NRG3: variants seen among roughly 807,000 people sequenced by gnomAD.
NRG3 encodes pro-neuregulin-3, membrane-bound isoform.
In NRG3, 31 loss-of-function variants were observed where a neutral mutation model predicts 66.9. The ratio of observed to expected loss-of-function variants is 0.46; its 90% CI spans 0.35 to 0.63. NRG3 has a LOEUF of 0.63. Among genes scored for constraint, NRG3 ranks in the 20% least tolerant of loss-of-function variants. The pLI is 0.00. For missense variants in NRG3, 910 were observed against 878.9 expected, an observed-to-expected ratio of 1.04 and a Z score of -0.45; for synonymous variants, 393 against 359.4, an observed-to-expected ratio of 1.09 and a Z score of -1.06.
At chr10:82,560,559 T>G (rs1328087019) in intron 2 of NRG3, among the ~76,000 whole-genome samples, 1 of 151,116 alleles carries the variant, frequency 6.6e-6, no homozygotes, top group Non-Finnish European at 1.5e-5. Flanking sequence ...GGCCATCTTG[T>G]TTTATCTAGA....
At chr10:82,103,079 A>G (rs1365179436) in intron 1 of NRG3, among the ~76,000 whole-genome samples, 3 of 152,046 alleles carry the variant, frequency 2.0e-5, no homozygotes, top group Non-Finnish European at 4.4e-5. Flanking sequence ...TCTTTATTTT[A>G]TCTTCCTTCT....
At chr10:82,389,520 A>G (rs1045590089) in intron 2 of NRG3, among the ~76,000 whole-genome samples, 6 of 152,200 alleles carry the variant, frequency 3.9e-5, no homozygotes, top group African/African-American at 1.4e-4. Flanking sequence ...CAAGTATCCC[A>G]CATATATTTT....
intron 2 of NRG3, among the ~76,000 whole-genome samples, chr10:82,484,059 G>GT (rs1842490967): frequency 6.6e-6 from 1 of 152,106 alleles, no homozygotes; most frequent in Non-Finnish European, 1.5e-5. Context: ...AGACACGCTG[G>GT]TTTTTTCTAT....
At chr10:82,322,616 T>G (rs191088928) in intron 1 of NRG3, among the ~76,000 whole-genome samples, 7 of 152,304 alleles carry the variant, frequency 4.6e-5, no homozygotes, top group Admixed American at 4.6e-4. Flanking sequence ...TTCATTGATT[T>G]GCTTTCCAGC....
chr10:82,611,750 G>A (rs1236707434), intron 2 of NRG3, among the ~76,000 whole-genome samples: 1 of 152,130 alleles, frequency 6.6e-6, no homozygotes, highest in Admixed American at 6.6e-5. Context: ...TGTCTTTATA[G>A]TAGCATGATT....
intron 2 of NRG3, among the ~76,000 whole-genome samples, chr10:82,733,917 G>A (rs2058037281): frequency 6.6e-6 from 1 of 152,222 alleles, no homozygotes; most frequent in Non-Finnish European, 1.5e-5. Context: ...GGAATGCTCT[G>A]AAGTTAGCAG....
chr10:82,686,257 G>A (rs536262766), intron 2 of NRG3, among the ~76,000 whole-genome samples: 11 of 151,382 alleles, frequency 7.3e-5, no homozygotes, highest in Non-Finnish European at 1.3e-4. Flanking sequence ...GCATGATCTT[G>A]GCTCACTGCA....
In NRG3 at chr10:82,440,288, A is replaced by G. The variant is rs2090366809; in HGVS notation, c.953+81420A>G. On this transcript the variant is annotated intron_variant, in intron 2 of 8. Coordinates refer to ENST00000372141, the MANE Select transcript of NRG3 (RefSeq NM_001010848.4). ...TCCTCTGTGTACATACTTACATCTC[A>G]TTTATTATATATAATGTACATTTTT... Among the ~76,000 whole-genome samples, 4 of 150,128 alleles carry G rather than the reference A, an allele frequency of 2.7e-5. No individual in the cohort carries two copies. The South Asian group carries it at 8.3e-4, about 31-fold the overall frequency.
At chr10:82,258,839 A>G (rs2077871756) in intron 1 of NRG3, among the ~76,000 whole-genome samples, 1 of 152,166 alleles carries the variant, frequency 6.6e-6, no homozygotes, top group African/African-American at 2.4e-5. Context: ...TCCAGGATTT[A>G]ATGCTGGGTA....
intron 1 of NRG3, among the ~76,000 whole-genome samples, chr10:81,936,965 A>G (rs1846022848): frequency 6.6e-6 from 1 of 152,202 alleles, no homozygotes; most frequent in Non-Finnish European, 1.5e-5. Context: ...GCAGAACTGA[A>G]CCTCAGTTCC....
chr10:81,979,964 C>T (rs1388210253), intron 1 of NRG3, among the ~76,000 whole-genome samples: 4 of 152,174 alleles, frequency 2.6e-5, no homozygotes, highest in African/African-American at 9.7e-5. Flanking sequence ...CACAGGTAAA[C>T]ATAGGCCAAA....
At chr10:82,612,506 T>C (rs2048377049) in intron 2 of NRG3, among the ~76,000 whole-genome samples, 1 of 152,194 alleles carries the variant, frequency 6.6e-6, no homozygotes. Context: ...ATAGGAATGC[T>C]TTTTGAATTA....
At chr10:82,116,656 A>G (rs977847272) in intron 1 of NRG3, among the ~76,000 whole-genome samples, 4 of 152,122 alleles carry the variant, frequency 2.6e-5, no homozygotes, top group African/African-American at 9.7e-5. Context: ...TAATTGTCCA[A>G]TCATTTCCTT....
intron 1 of NRG3, among the ~76,000 whole-genome samples, chr10:82,118,506 T>A (rs2067868043): frequency 6.6e-6 from 1 of 152,022 alleles, no homozygotes; most frequent in Non-Finnish European, 1.5e-5. Context: ...CAGCCACAGG[T>A]TTGAAATGGA....
intron 2 of NRG3, among the ~76,000 whole-genome samples, chr10:82,622,076 A>C (rs928869435): frequency 6.6e-6 from 1 of 152,184 alleles, no homozygotes; most frequent in Admixed American, 6.5e-5. Context: ...CATGTTTAAC[A>C]TCCTTGCAGA....
chr10:82,367,902 C>G (rs1589871774), intron 2 of NRG3, among the ~76,000 whole-genome samples: 1 of 151,998 alleles, frequency 6.6e-6, no homozygotes, highest in African/African-American at 2.4e-5. Flanking sequence ...AGCTGAGGCA[C>G]AAGAGTCACT....
At chr10:82,715,414 G>A (rs534246248) in intron 2 of NRG3, among the ~76,000 whole-genome samples, 22 of 152,222 alleles carry the variant, frequency 1.4e-4, no homozygotes, top group African/African-American at 5.1e-4. Flanking sequence ...ACTTTCAGTG[G>A]TGTCTCTGAC....
chr10:82,852,547 A>G (rs1008386946), intron 3 of NRG3, among the ~76,000 whole-genome samples: 1 of 152,196 alleles, frequency 6.6e-6, no homozygotes, highest in Non-Finnish European at 1.5e-5. Context: ...CAGTTTTCTC[A>G]TCTATAAAAT....
rs559845527 is a variant in NRG3 at position 82,297,635 on chromosome 10, C to T, written c.824-61104C>T. ...CTTCACTTTGCTGATGTATTTTATG[C>T]ATATGAAATGATACAGGTGAAAACT... On this transcript the variant is annotated intron_variant, in intron 1 of 8. Coordinates refer to ENST00000372141, the MANE Select transcript of NRG3 (RefSeq NM_001010848.4). Among the ~76,000 whole-genome samples, 158 of 152,072 alleles carry T rather than the reference C, an allele frequency of 1.0e-3. 1 individual carries two copies. The Middle Eastern group carries it at 0.021, about 20-fold the overall frequency.
Sources: allele counts gnomAD v4.1 joint callset (sites outside exome capture counted in the v4.1 genomes callset), GRCh38; gene constraint gnomAD v4.1.1; transcripts MANE v1.5; gene names NCBI Gene and HGNC (gene_info 2026-07-23, HGNC 2026-07-21).